Variants in PLPP1 observed in about 807,000 individuals in gnomAD.
The protein encoded by PLPP1 is phospholipid phosphatase 1, also known as lipid phosphate phosphohydrolase 1a.
Under a neutral mutation model 31.2 loss-of-function variants are expected in PLPP1, and 24 were observed. That is an observed-to-expected ratio of 0.77 (90% CI 0.56 to 1.08). PLPP1 has a LOEUF of 1.08. Among genes scored for constraint, PLPP1 ranks in the 50% least tolerant of loss-of-function variants. The pLI is 0.00. For missense variants in PLPP1, 319 were observed against 342.7 expected, an observed-to-expected ratio of 0.93 and a Z score of 0.55; for synonymous variants, 146 against 126.3, an observed-to-expected ratio of 1.16 and a Z score of -1.05.
intron 3 of PLPP1, among the ~76,000 whole-genome samples, chr5:55,466,380 A>AT (rs1752295482): frequency 6.6e-6 from 1 of 152,030 alleles, no homozygotes; most frequent in Non-Finnish European, 1.5e-5. Flanking sequence ...GTTAAATAAG[A>AT]TTTTTTTCAT....
intron 3 of PLPP1, among the ~76,000 whole-genome samples, chr5:55,452,275 G>A (rs181252946): frequency 1.3e-5 from 2 of 152,260 alleles, no homozygotes; most frequent in Admixed American, 1.3e-4. Flanking sequence ...TTGGTGATGA[G>A]TGAGTTCTCA....
At chr5:55,533,381 CAAA>C (rs35146174) in intron 1 of PLPP1, among the ~76,000 whole-genome samples, 6 of 113,352 alleles carry the variant, frequency 5.3e-5, no homozygotes, top group Non-Finnish European at 5.8e-5. Context: ...AGACTGTATC[CAAA>C]AAAAAAAAAA....
chr5:55,462,097 C>T (rs4865944), intron 3 of PLPP1, among the ~76,000 whole-genome samples: 132,530 of 152,196 alleles, frequency 0.87, 57,943 homozygotes, highest in South Asian at 0.92. Flanking sequence ...AGACCCAATA[C>T]TAACATGGCA....
chr5:55,473,354 T>A (rs988706692), intron 2 of PLPP1, among the ~76,000 whole-genome samples: 3 of 152,150 alleles, frequency 2.0e-5, no homozygotes, highest in African/African-American at 7.2e-5. Context: ...CATGCTGGGC[T>A]CCATGCCAGG....
chr5:55,492,401 AAT>A (rs1304315045), intron 1 of PLPP1, among the ~76,000 whole-genome samples: 2 of 152,224 alleles, frequency 1.3e-5, no homozygotes, highest in Non-Finnish European at 2.9e-5. Flanking sequence ...GTTAAGAAGA[AAT>A]ACCATAAAAG....
intron 4 of PLPP1, 84 bp from the exon 5 acceptor site, chr5:55,426,123 G>C (rs1751188210): frequency 8.5e-7 from 1 of 1,181,872 alleles, no homozygotes; most frequent in Non-Finnish European, 1.2e-6. Flanking sequence ...CATTTGAAAT[G>C]ATTATCAAAG....
chr5:55,468,342 T>C (rs1241761985), intron 2 of PLPP1, 193 bp from the exon 3 acceptor site: 7 of 522,198 alleles, frequency 1.3e-5, no homozygotes, highest in African/African-American at 1.9e-5. Flanking sequence ...ACAGGTGTCA[T>C]ATCAATGGTG....
intron 5 of PLPP1, 139 bp from the exon 6 acceptor site, chr5:55,425,473 G>GAGAC: frequency 1.3e-6 from 1 of 746,760 alleles, no homozygotes; most frequent in East Asian, 3.2e-5. Context: ...TAAAAAATTA[G>GAGAC]AGACTAACTG....
At chr5:55,490,351 T>C (rs558504737) in intron 1 of PLPP1, among the ~76,000 whole-genome samples, 2 of 152,086 alleles carry the variant, frequency 1.3e-5, no homozygotes, top group South Asian at 4.2e-4. Context: ...GGTTTCTCCA[T>C]GTTGGTCAGG....
intron 1 of PLPP1, among the ~76,000 whole-genome samples, chr5:55,534,272 G>T (rs1232015182): frequency 6.6e-6 from 1 of 152,190 alleles, no homozygotes; most frequent in Non-Finnish European, 1.5e-5. Context: ...AGCCCACCCT[G>T]CTCTGCTAGA....
chr5:55,532,337 G>GA (rs1295792911), intron 1 of PLPP1, among the ~76,000 whole-genome samples: 1 of 151,808 alleles, frequency 6.6e-6, no homozygotes, highest in Admixed American at 6.6e-5. Flanking sequence ...TTGGCCCATA[G>GA]AAAAAAATTT....
chr5:55,505,832 G>A (rs1753261429), intron 1 of PLPP1, among the ~76,000 whole-genome samples: 1 of 152,190 alleles, frequency 6.6e-6, no homozygotes, highest in Admixed American at 6.5e-5. Flanking sequence ...TGAGGTGGCC[G>A]GATCACTTGA....
chr5:55,433,145 A>C (rs1356196633), intron 4 of PLPP1, among the ~76,000 whole-genome samples: 1 of 5,518 alleles, frequency 1.8e-4, no homozygotes, highest in Non-Finnish European at 5.3e-4. Flanking sequence ...CCATCTCTAC[A>C]AAAAAAAAAA....
chr5:55,432,098 CTTTTTTTT>C (rs869025950), intron 4 of PLPP1, among the ~76,000 whole-genome samples: 766 of 7,096 alleles, frequency 0.11, 9 homozygotes, highest in African/African-American at 0.16. Flanking sequence ...TCTTTTTCTT[CTTTTTTTT>C]TTTTTTTTTT....
At chr5:55,524,959 A>C (rs1389591954) in intron 1 of PLPP1, among the ~76,000 whole-genome samples, 1 of 152,166 alleles carries the variant, frequency 6.6e-6, no homozygotes, top group African/African-American at 2.4e-5. Flanking sequence ...CACTGTATAA[A>C]ATAACAGTTT....
chr5:55,518,787 C>T (rs1405297764), intron 1 of PLPP1, among the ~76,000 whole-genome samples: 1 of 152,120 alleles, frequency 6.6e-6, no homozygotes, highest in Non-Finnish European at 1.5e-5. Context: ...AGATGACTCT[C>T]CTTAATAACT....
Position 55,534,702 on chromosome 5 carries a change from G to A in PLPP1, c.-73C>T. ...ACGGCGGCCGAGGCCCTTGATTCTC[G>A]AGCCCGGGCCGGGGCTGGCGACGGC... On this transcript the variant is annotated 5_prime_UTR_variant, in exon 1 of 6. Coordinates refer to ENST00000307259, the MANE Select transcript of PLPP1 (RefSeq NM_003711.4). 6.9e-7 allele frequency: 1 copy of A among 1,452,650 alleles called. No individual in the cohort carries two copies. Among genetic ancestry groups the A allele is most frequent in the South Asian group, 1.3e-5 (1 of 78,350 alleles). The allele number at this position is 1,452,650 out of a possible 1,614,324, so 90.0% of individuals were successfully genotyped here.
chr5:55,427,636 C>G (rs230745), intron 4 of PLPP1, among the ~76,000 whole-genome samples: 130,810 of 152,134 alleles, frequency 0.86, 56,629 homozygotes, highest in South Asian at 0.92. Context: ...CCATTCTAAA[C>G]AACCCTGACT....
chr5:55,448,596 C>T lies in PLPP1; in HGVS notation c.492-6688G>A, dbSNP rs576811496. On this transcript the variant is annotated intron_variant, in intron 3 of 5. Transcript: ENST00000307259. ...CCAAGTAGCTAGGATTACAGGCGTG[C>T]GCCACCACACCCAGCTAATTTTTGT... Among the ~76,000 whole-genome samples, 83 of 151,944 alleles carry T rather than the reference C, an allele frequency of 5.5e-4. 1 individual carries two copies. Among genetic ancestry groups the T allele is most frequent in the Middle Eastern group, 3.4e-3 (1 of 294 alleles).
Sources: allele counts gnomAD v4.1 joint callset (sites outside exome capture counted in the v4.1 genomes callset), GRCh38; gene constraint gnomAD v4.1.1; transcripts MANE v1.5; gene names NCBI Gene and HGNC (gene_info 2026-07-23, HGNC 2026-07-21).